Variants in GRK7 observed in about 807,000 individuals in gnomAD.
The protein encoded by GRK7 is G protein-coupled receptor kinase 7.
In GRK7, 24 loss-of-function variants were observed where a neutral mutation model predicts 34.1. The observed-to-expected ratio is 0.70, with a 90% CI of 0.51 to 0.99. GRK7 has a LOEUF of 0.99. Among genes scored for constraint, GRK7 ranks in the 50% least tolerant of loss-of-function variants. GRK7 has a pLI of 0.00. For synonymous variants in GRK7, 256 were observed against 279.4 expected (o/e 0.92, Z 0.84); for missense variants, 644 against 707.3 (o/e 0.91, Z 1.02).
intron 5 of GRK7, among the ~76,000 whole-genome samples, chr3:141,816,272 A>G (rs998587529): frequency 6.6e-6 from 1 of 152,178 alleles, no homozygotes; most frequent in Non-Finnish European, 1.5e-5. Context: ...ATCATATCAT[A>G]TTACCAATAA....
chr3:141,790,471 A>G (rs571226249), intron 4 of GRK7, among the ~76,000 whole-genome samples: 3 of 152,272 alleles, frequency 2.0e-5, no homozygotes, highest in Admixed American at 2.0e-4. Context: ...AGCCCCACCT[A>G]CACAGGGAAT....
intron 5 of GRK7, among the ~76,000 whole-genome samples, chr3:141,813,801 C>T (rs1711120505): frequency 6.6e-6 from 1 of 152,202 alleles, no homozygotes. Flanking sequence ...CACCTATTTA[C>T]TCTGGCTTCC....
At chr3:141,759,205 G>A (rs1370615082), upstream of GRK7, among the ~76,000 whole-genome samples, 106 of 125,870 alleles carry the variant, frequency 8.4e-4, no homozygotes, top group African/African-American at 2.3e-3. Context: ...GAATAGGAGC[G>A]GTGAGAGAGG....
At position 141,778,664 on chromosome 3, in the gene GRK7, G is replaced by C. The variant is rs35318124; in HGVS notation, c.380G>C (p.Ser127Thr). The C allele has an allele frequency of 5.3e-3, 8,568 of 1,613,534 alleles. 32 individuals carry two copies. The highest frequency in any genetic ancestry group is 0.013 in the Middle Eastern group (79 of 6,060). ...PAPGNPQPFL[S>T]QAVATKCQAA... ...CCGGGGAACCCGCAACCCTTCCTCA[G>C]CCAGGCCGTGGCCACCAAGTGCCAA... The change falls in exon 3 of 6, where the codon AGC becomes ACC. Residue 127 changes from serine (S) to threonine (T), a missense_variant. Coordinates refer to ENST00000682958, the MANE Select transcript of GRK7 (RefSeq NM_139209.3). The surrounding 1 kb of genome is among the most constrained non-coding windows in gnomAD (Gnocchi z 4.1).
chr3:141,804,650 TATACACACACATACACATGCACAG>T (rs1390987236), intron 4 of GRK7, among the ~76,000 whole-genome samples: 1 of 146,750 alleles, frequency 6.8e-6, no homozygotes, highest in Non-Finnish European at 1.5e-5. Context: ...CACATGCACA[TATACACACACATACACATGCACAG>T]ATACACACAT....
chr3:141,779,555 A>G (rs953609792), intron 3 of GRK7, among the ~76,000 whole-genome samples: 1 of 152,226 alleles, frequency 6.6e-6, no homozygotes, highest in Non-Finnish European at 1.5e-5. Flanking sequence ...CTTGATATAA[A>G]ACTAACCATT....
At chr3:141,780,224 C>T in intron 3 of GRK7, 150 bp from the exon 4 acceptor site, 2 of 657,728 alleles carry the variant, frequency 3.0e-6, no homozygotes, top group Non-Finnish European at 5.2e-6. Context: ...GCACTGTAGT[C>T]CCCACTTTTT....
At chr3:141,813,019 A>G (rs1711108391) in intron 5 of GRK7, among the ~76,000 whole-genome samples, 1 of 152,130 alleles carries the variant, frequency 6.6e-6, no homozygotes, top group African/African-American at 2.4e-5. Flanking sequence ...TTCTAGCTCT[A>G]TCCTTCTGCC....
upstream of GRK7, among the ~76,000 whole-genome samples, chr3:141,760,120 T>C (rs1485701929): frequency 1.3e-5 from 2 of 151,912 alleles, no homozygotes; most frequent in African/African-American, 4.8e-5. Context: ...CCTGGATTCA[T>C]TGATTTTTTG....
At chr3:141,798,609 G>A (rs768627971) in intron 4 of GRK7, among the ~76,000 whole-genome samples, 1 of 152,188 alleles carries the variant, frequency 6.6e-6, no homozygotes, top group African/African-American at 2.4e-5. Flanking sequence ...AACTGCAGGA[G>A]TTAAACCCAG....
intron 4 of GRK7, among the ~76,000 whole-genome samples, chr3:141,806,088 G>A (rs1711033001): frequency 6.6e-6 from 1 of 152,152 alleles, no homozygotes. Context: ...GCCTTTGGGT[G>A]TTTCCAGCTC....
chr3:141,782,674 G>A (rs1345630523), intron 4 of GRK7, among the ~76,000 whole-genome samples: 1 of 152,022 alleles, frequency 6.6e-6, no homozygotes, highest in African/African-American at 2.4e-5. Context: ...GCCCTGAAGA[G>A]GTTTAAGAAG....
the GRK7 span, among the ~76,000 whole-genome samples, chr3:141,754,939 C>CAT: frequency 6.6e-6 from 1 of 152,032 alleles, no homozygotes; most frequent in South Asian, 2.1e-4. Context: ...TTTAAATGGA[C>CAT]ATATCCTTTA....
chr3:141,810,762 C>T (rs1711085345), intron 5 of GRK7, among the ~76,000 whole-genome samples: 1 of 152,104 alleles, frequency 6.6e-6, no homozygotes, highest in Admixed American at 6.5e-5. Context: ...ACACACGGTT[C>T]TGTTGGCCAG....
intron 5 of GRK7, among the ~76,000 whole-genome samples, chr3:141,816,331 C>G (rs1425911043): frequency 1.3e-5 from 2 of 151,984 alleles, no homozygotes. Flanking sequence ...TTGTGTGGGA[C>G]AGAGATATGC....
chr3:141,791,666 A>G (rs1400389471), intron 4 of GRK7, among the ~76,000 whole-genome samples: 1 of 152,138 alleles, frequency 6.6e-6, no homozygotes, highest in Non-Finnish European at 1.5e-5. Flanking sequence ...TTGTTTATTC[A>G]ACTTACATGT....
At chr3:141,809,842 A>C (rs1328005401) in intron 5 of GRK7, among the ~76,000 whole-genome samples, 1 of 152,192 alleles carries the variant, frequency 6.6e-6, no homozygotes, top group Non-Finnish European at 1.5e-5. Flanking sequence ...TCTGCTATAG[A>C]CTGGTCATTT....
At position 141,763,506 on chromosome 3, in the gene GRK7, G is replaced by T. The variant is rs575501240; in HGVS notation, c.-2447G>T. Among the ~76,000 whole-genome samples, 4 of 152,262 alleles carry T rather than the reference G, an allele frequency of 2.6e-5. No homozygotes were observed. In the South Asian group the frequency reaches 6.2e-4, roughly 24 times the overall value. ...TGCCAGCTCCACCTTCACAGACGAG[G>T]AACCAGGGCCCCAGTGCTGTGCCTA... On this transcript the variant is annotated 5_prime_UTR_variant, in exon 1 of 6. Transcript: ENST00000682958.
At chr3:141,784,626 C>G (rs190828785) in intron 4 of GRK7, among the ~76,000 whole-genome samples, 53 of 152,274 alleles carry the variant, frequency 3.5e-4, no homozygotes, top group African/African-American at 1.3e-3. Context: ...ATATTCACAA[C>G]ATTTCACAGA....
Sources: allele counts gnomAD v4.1 joint callset (sites outside exome capture counted in the v4.1 genomes callset), GRCh38; gene constraint gnomAD v4.1.1; non-coding constraint Gnocchi (gnomAD v3.1); transcripts MANE v1.5; gene names NCBI Gene and HGNC (gene_info 2026-07-23, HGNC 2026-07-21).